RIT2: variants seen among roughly 807,000 people sequenced by gnomAD.
The protein encoded by RIT2 is Ras like without CAAX 2.
RIT2 carries 24 observed loss-of-function variants against 23.7 expected under a neutral mutation model. The observed-to-expected ratio is 1.01, with a 90% confidence interval of 0.73 to 1.43. The LOEUF (loss-of-function observed/expected upper bound fraction) is 1.43, where lower values mean the gene tolerates loss of function less well. Ranked by LOEUF, RIT2 falls within the 40% of genes most tolerant of loss-of-function variation. The pLI is 0.00. For missense variants in RIT2, 236 were observed against 266.9 expected (o/e 0.88, Z 0.81); for synonymous variants, 107 against 91.1 (o/e 1.17, Z -0.99).
At chr18:42,755,729 G>A (rs1223792084) in intron 4 of RIT2, among the ~76,000 whole-genome samples, 1 of 152,138 alleles carries the variant, frequency 6.6e-6, no homozygotes, top group Non-Finnish European at 1.5e-5. Context: ...GACATCACTG[G>A]AACCCAGGCC....
chr18:43,086,174 A>G (rs12605210), intron 1 of RIT2, among the ~76,000 whole-genome samples: 100,211 of 151,928 alleles, frequency 0.66, 34,201 homozygotes, highest in East Asian at 0.81. Flanking sequence ...AACCCAAAAT[A>G]TGTTATGCTT....
intron 1 of RIT2, among the ~76,000 whole-genome samples, chr18:43,064,184 G>A (rs940250134): frequency 6.6e-6 from 1 of 152,152 alleles, no homozygotes; most frequent in Admixed American, 6.5e-5. Context: ...TGGATTTGTT[G>A]AAGGAAAGTA....
At chr18:42,905,507 C>CT (rs1908588059) in intron 4 of RIT2, among the ~76,000 whole-genome samples, 1 of 152,288 alleles carries the variant, frequency 6.6e-6, no homozygotes, top group African/African-American at 2.4e-5. Flanking sequence ...GAGTCTCACT[C>CT]TGTCATCCAG....
rs143903697 is a variant in RIT2 at position 43,003,700 on chromosome 18, T to C, written c.161-29553A>G. ...ATGACTTGATAGTAAAACTTTTGTC[T>C]TTCTGATGCCAGAAATTTGGTCCTC... On this transcript the variant is annotated intron_variant, in intron 2 of 4. Transcript: ENST00000326695. Among the ~76,000 whole-genome samples, 611 of 151,684 alleles carry C rather than the reference T, an allele frequency of 4.0e-3. 4 individuals carry two copies. The highest frequency in any genetic ancestry group is 0.013 in the African/African-American group (526 of 41,354).
rs148657537 is a variant in RIT2 at position 43,028,524 on chromosome 18, C to T, written c.160+5287G>A. Among the ~76,000 whole-genome samples, 72 of 152,062 alleles carry T rather than the reference C, an allele frequency of 4.7e-4. No individual in the cohort carries two copies. The East Asian group carries it at 9.9e-3, about 21-fold the overall frequency. On this transcript the variant is annotated intron_variant, in intron 2 of 4. Coordinates refer to ENST00000326695, the MANE Select transcript of RIT2 (RefSeq NM_002930.4). ...AATATCGAATTTAATTAGTTTCATA[C>T]GAATTATCTTTCTATTGTACCACAT...
At chr18:43,041,250 C>T (rs1403603883) in intron 1 of RIT2, among the ~76,000 whole-genome samples, 1 of 152,076 alleles carries the variant, frequency 6.6e-6, no homozygotes, top group Non-Finnish European at 1.5e-5. Context: ...GTAGAGAAGA[C>T]ATTGGGTCTG....
At chr18:42,886,514 T>G (rs1205599488) in intron 4 of RIT2, among the ~76,000 whole-genome samples, 1 of 152,226 alleles carries the variant, frequency 6.6e-6, no homozygotes, top group Non-Finnish European at 1.5e-5. Flanking sequence ...TAGTCTTTCA[T>G]GGTCAAGTAG....
intron 4 of RIT2, among the ~76,000 whole-genome samples, chr18:42,879,424 T>C (rs1195945572): frequency 6.6e-6 from 1 of 152,134 alleles, no homozygotes; most frequent in Non-Finnish European, 1.5e-5. Context: ...CTTCAGAGTT[T>C]TTAAGGCATT....
chr18:42,756,358 G>T (rs1257467321), intron 4 of RIT2, among the ~76,000 whole-genome samples: 2 of 152,090 alleles, frequency 1.3e-5, no homozygotes, highest in African/African-American at 4.8e-5. Context: ...GATGGTAATG[G>T]CTCTAGGGTA....
In RIT2 at chr18:42,982,679, A is replaced by G. The variant is rs541377288; in HGVS notation, c.161-8532T>C. On this transcript the variant is annotated intron_variant, in intron 2 of 4. Coordinates refer to ENST00000326695, the MANE Select transcript of RIT2 (RefSeq NM_002930.4). ...GTAGATTTAGGAATTTTGATCTTTC[A>G]GGATTTCAACTTTCAGGACTATGGC... is the stretch of plus-strand genomic sequence containing the variant. Among the ~76,000 whole-genome samples the G allele has an allele frequency of 5.9e-5, 9 of 152,294 alleles. No homozygotes were observed. The East Asian group carries it at 1.7e-3, about 29-fold the overall frequency.
At chr18:42,836,652 T>C (rs894711080) in intron 4 of RIT2, among the ~76,000 whole-genome samples, 1 of 152,112 alleles carries the variant, frequency 6.6e-6, no homozygotes, top group Non-Finnish European at 1.5e-5. Context: ...AGAAACAATA[T>C]GAACAGTAAT....
chr18:42,864,674 A>T (rs1008703119), intron 4 of RIT2, among the ~76,000 whole-genome samples: 1 of 152,174 alleles, frequency 6.6e-6, no homozygotes, highest in Non-Finnish European at 1.5e-5. Flanking sequence ...CCATTTATCC[A>T]ATGTGAAGAA....
At chr18:42,843,077 G>A (rs1055418629) in intron 4 of RIT2, among the ~76,000 whole-genome samples, 3 of 152,098 alleles carry the variant, frequency 2.0e-5, no homozygotes, top group Non-Finnish European at 2.9e-5. Flanking sequence ...TAAGCATTGG[G>A]AATATAATGG....
chr18:42,815,271 A>G (rs923370135), intron 4 of RIT2, among the ~76,000 whole-genome samples: 2 of 152,190 alleles, frequency 1.3e-5, no homozygotes, highest in African/African-American at 4.8e-5. Context: ...GCATCAATAA[A>G]GAACAGTCAA....
intron 3 of RIT2, among the ~76,000 whole-genome samples, chr18:42,936,017 G>C (rs1031192161): frequency 2.6e-5 from 4 of 151,544 alleles, no homozygotes; most frequent in Non-Finnish European, 5.9e-5. Flanking sequence ...AGTGCGAAAG[G>C]GGGTGGTGCA....
chr18:42,957,733 G>C (rs1910005551), intron 3 of RIT2, among the ~76,000 whole-genome samples: 2 of 152,098 alleles, frequency 1.3e-5, no homozygotes, highest in Non-Finnish European at 2.9e-5. Flanking sequence ...GCAGTGAGCT[G>C]AAGTTGCACC....
chr18:42,979,650 T>C (rs1298437918), intron 2 of RIT2, among the ~76,000 whole-genome samples: 4 of 152,156 alleles, frequency 2.6e-5, no homozygotes, highest in African/African-American at 7.2e-5. Flanking sequence ...GCACACTTTT[T>C]CTTGACCAAA....
intron 1 of RIT2, among the ~76,000 whole-genome samples, chr18:43,038,135 G>C (rs1339928353): frequency 1.3e-5 from 2 of 149,736 alleles, no homozygotes; most frequent in Non-Finnish European, 3.0e-5. Flanking sequence ...AACCCGAGAG[G>C]CAGAGCTTGC....
At chr18:43,077,102 C>CAAAAAAGAAAAAAAA (rs755511835) in intron 1 of RIT2, among the ~76,000 whole-genome samples, 1 of 80,256 alleles carries the variant, frequency 1.2e-5, no homozygotes, top group African/African-American at 4.7e-5. Flanking sequence ...GACTCCGTCT[C>CAAAAAAGAAAAAAAA]AAAAAAAAAA....
Sources: allele counts gnomAD v4.1 joint callset (sites outside exome capture counted in the v4.1 genomes callset), GRCh38; gene constraint gnomAD v4.1.1; transcripts MANE v1.5; gene names NCBI Gene and HGNC (gene_info 2026-07-23, HGNC 2026-07-21).